The following ZNF385D variants were observed in gnomAD, a reference collection of about 807,000 sequenced individuals.
The protein encoded by ZNF385D is zinc finger protein 659.
ZNF385D carries 15 observed loss-of-function variants against 35.8 expected under a neutral mutation model. That is an observed-to-expected ratio of 0.42 (90% CI 0.28 to 0.64). ZNF385D has a LOEUF of 0.64. Among genes scored for constraint, ZNF385D ranks in the 30% least tolerant of loss-of-function variants. The probability of loss-of-function intolerance (pLI) is 0.23; values close to 1 mark genes in which losing one functional copy is unlikely to be tolerated. For synonymous variants in ZNF385D, 212 were observed against 186.8 expected (o/e 1.13, Z -1.10); for missense variants, 474 against 494.6 (o/e 0.96, Z 0.39).
intron 2 of ZNF385D, among the ~76,000 whole-genome samples, chr3:21,652,438 T>C (rs2065944463): frequency 6.6e-6 from 1 of 152,174 alleles, no homozygotes; most frequent in Admixed American, 6.6e-5. Flanking sequence ...ATGATATAGG[T>C]AGCAAATATT....
At chr3:21,514,829 T>C (rs1017720438) in intron 3 of ZNF385D, among the ~76,000 whole-genome samples, 2 of 152,136 alleles carry the variant, frequency 1.3e-5, no homozygotes, top group South Asian at 2.1e-4. Context: ...AATTTGTCTA[T>C]AGTTTTTCTT....
intron 3 of ZNF385D, among the ~76,000 whole-genome samples, chr3:21,852,657 C>A (rs1397906860): frequency 6.6e-6 from 1 of 151,796 alleles, no homozygotes; most frequent in African/African-American, 2.4e-5. Context: ...TACAGTACTA[C>A]TTAGGACAAG....
chr3:22,215,314 C>A (rs901737734), intron 2 of ZNF385D, among the ~76,000 whole-genome samples: 1 of 151,986 alleles, frequency 6.6e-6, no homozygotes, highest in Admixed American at 6.6e-5. Flanking sequence ...CGCTGGTGAG[C>A]CAGGCAGAAC....
At chr3:21,566,677 CTTTT>C (rs1395798132) in intron 2 of ZNF385D, among the ~76,000 whole-genome samples, 3 of 152,018 alleles carry the variant, frequency 2.0e-5, no homozygotes, top group Non-Finnish European at 4.4e-5. Flanking sequence ...ATAATATTTT[CTTTT>C]TATCTGATTT....
chr3:21,695,830 T>G (rs2067452838), intron 1 of ZNF385D, among the ~76,000 whole-genome samples: 1 of 149,220 alleles, frequency 6.7e-6, no homozygotes, highest in Non-Finnish European at 1.5e-5. Context: ...TCATTTTAAT[T>G]GCTGCTACCT....
chr3:21,777,857 T>C (rs1457328431), intron 3 of ZNF385D: 2 of 151,890 alleles, frequency 1.3e-5, no homozygotes, highest in Admixed American at 1.3e-4. Context: ...AGTCTCTTGG[T>C]CCAAGGAAAA....
intron 2 of ZNF385D, among the ~76,000 whole-genome samples, chr3:22,335,112 G>A (rs1156637791): frequency 6.6e-6 from 1 of 152,076 alleles, no homozygotes; most frequent in East Asian, 1.9e-4. Flanking sequence ...TGAATATAAT[G>A]TATGATCATA....
In ZNF385D at chr3:21,976,932, G is replaced by A. The variant is rs369639169; in HGVS notation, c.325+191885C>T. 7.2e-5 allele frequency among the ~76,000 whole-genome samples: 11 copies of A among 152,134 alleles called. No homozygotes were observed. The East Asian group carries it at 7.7e-4, about 11-fold the overall frequency. On this transcript the variant is annotated intron_variant, in intron 3 of 5. Coordinates refer to the ZNF385D transcript ENST00000494108. The stretch of plus-strand genomic sequence containing the variant: ...GAACCTGGGAGGCGGAGGTTGCAGT[G>A]AGCCCAGATTGTGCCACTGCACGTC...
At chr3:21,542,648 G>C (rs187704133) in intron 3 of ZNF385D, among the ~76,000 whole-genome samples, 122 of 152,206 alleles carry the variant, frequency 8.0e-4, no homozygotes, top group African/African-American at 2.9e-3. Flanking sequence ...GAAACAGCCA[G>C]GTGAGGGGGG....
At chr3:21,678,795 T>C (rs536898387) in intron 1 of ZNF385D, among the ~76,000 whole-genome samples, 9 of 152,122 alleles carry the variant, frequency 5.9e-5, no homozygotes, top group Non-Finnish European at 1.0e-4. Flanking sequence ...GTACTGCATA[T>C]AGTTTTCAAA....
intron 3 of ZNF385D, among the ~76,000 whole-genome samples, chr3:22,085,941 C>A (rs1384253463): frequency 6.6e-6 from 1 of 152,104 alleles, no homozygotes; most frequent in East Asian, 1.9e-4. Context: ...TAAACACAAC[C>A]AATGATAGAA....
intron 3 of ZNF385D, among the ~76,000 whole-genome samples, chr3:21,525,871 T>C (rs1708194749): frequency 6.6e-6 from 1 of 152,060 alleles, no homozygotes; most frequent in Non-Finnish European, 1.5e-5. Context: ...CAATCTGAAA[T>C]ACAGCGGTTG....
At chr3:21,685,414 C>G (rs1487500077) in intron 1 of ZNF385D, among the ~76,000 whole-genome samples, 1 of 152,222 alleles carries the variant, frequency 6.6e-6, no homozygotes, top group African/African-American at 2.4e-5. Context: ...TCATAAAAGA[C>G]AGCAGAAGTG....
chr3:21,736,731 C>G (rs773133138), intron 1 of ZNF385D, among the ~76,000 whole-genome samples: 14 of 152,220 alleles, frequency 9.2e-5, no homozygotes, highest in Admixed American at 2.0e-4. Flanking sequence ...GAGGGGAGAG[C>G]AAGGACAAAA....
rs1358855255 is a variant in ZNF385D, at chr3:21,813,897, T to C, written c.326-148869A>G. On this transcript the variant is annotated intron_variant, in intron 3 of 5. Transcript: ENST00000494108. ...AGAAGAGCAACTCCAAGACACATAA[T>C]TGTCAGATTCACCAAAGTTGAAATG... Among the ~76,000 whole-genome samples the C allele has an allele frequency of 2.0e-5, 3 of 152,034 alleles. No homozygotes were observed. The East Asian group carries it at 5.8e-4, about 29-fold the overall frequency.
intron 2 of ZNF385D, among the ~76,000 whole-genome samples, chr3:21,654,828 C>T (rs908671526): frequency 6.6e-6 from 1 of 152,014 alleles, no homozygotes; most frequent in Non-Finnish European, 1.5e-5. Flanking sequence ...CAGTATGGGT[C>T]TGTGTACCAC....
chr3:21,592,043 C>T (rs939860817), intron 2 of ZNF385D, among the ~76,000 whole-genome samples: 2 of 152,064 alleles, frequency 1.3e-5, no homozygotes, highest in Non-Finnish European at 1.5e-5. Flanking sequence ...CTCTTTAAGC[C>T]TGATTATTTA....
upstream of ZNF385D, among the ~76,000 whole-genome samples, chr3:21,751,701 C>A (rs761089517): frequency 2.0e-5 from 3 of 152,062 alleles, no homozygotes; most frequent in Non-Finnish European, 4.4e-5. Context: ...GAGGTTCACA[C>A]TTAGAAGTGA....
chr3:21,587,662 T>C (rs1022724984), intron 2 of ZNF385D, among the ~76,000 whole-genome samples: 6 of 152,144 alleles, frequency 3.9e-5, no homozygotes, highest in African/African-American at 1.4e-4. Flanking sequence ...ATGTGTTCAG[T>C]GTTGAGGTTA....
Sources: gnomAD v4.1 joint callset for allele counts (sites outside exome capture counted in the v4.1 genomes callset) on GRCh38, gnomAD v4.1.1 for gene constraint, MANE v1.5 for transcripts, NCBI Gene and HGNC (gene_info 2026-07-23, HGNC 2026-07-21) for gene names.